Variants in SFTPD observed in about 807,000 individuals in gnomAD.
The protein encoded by SFTPD is surfactant protein D, also known as pulmonary surfactant-associated protein D.
A neutral mutation model predicts 34.6 loss-of-function variants in SFTPD; 18 were observed. The ratio of observed to expected loss-of-function variants is 0.52; its 90% CI spans 0.36 to 0.77. The LOEUF (loss-of-function observed/expected upper bound fraction) is 0.77, where lower values mean the gene tolerates loss of function less well. Ranked by LOEUF, SFTPD falls within the 30% of genes least tolerant of loss-of-function variation. The pLI is 0.00. For missense variants in SFTPD, 433 were observed against 468.9 expected (o/e 0.92, Z 0.71); for synonymous variants, 155 against 180.9 (o/e 0.86, Z 1.15).
rs1051322730 is a variant in SFTPD at position 79,941,816 on chromosome 10, C to T, written c.550+138G>A. 1.4e-5 allele frequency: 10 copies of T among 711,588 alleles called. No individual in the cohort carries two copies. The African/African-American group carries it at 1.4e-4, about 10-fold the overall frequency. 44.1% of individuals were successfully genotyped at this position (711,588 alleles called of 1,614,324 possible). On this transcript the variant is annotated intron_variant, in intron 5 of 7. Transcript: ENST00000372292. ...CCCCAGAGCCCCCTCATGCACCCTTCTTGGATACAGATTCTCTCCATGTTC... is the reference window on the plus strand; with the variant it reads ...CCCCAGAGCCCCCTCATGCACCCTTTTTGGATACAGATTCTCTCCATGTTC...
At chr10:79,960,925 A>G (rs1275165227) in intron 1 of SFTPD, among the ~76,000 whole-genome samples, 2 of 152,182 alleles carry the variant, frequency 1.3e-5, no homozygotes, top group Non-Finnish European at 2.9e-5. Flanking sequence ...CCAAAACAGC[A>G]TGGTACTGGT....
intron 1 of SFTPD, among the ~76,000 whole-genome samples, chr10:79,977,770 G>A (rs532440262): frequency 6.6e-6 from 1 of 152,290 alleles, no homozygotes; most frequent in East Asian, 1.9e-4. Flanking sequence ...TATACATGAA[G>A]TAGGTCTTCA....
At chr10:79,938,343 A>C in intron 7 of SFTPD, 115 bp from the exon 8 acceptor site, 1 of 852,472 alleles carries the variant, frequency 1.2e-6, no homozygotes, top group Non-Finnish European at 1.8e-6. Flanking sequence ...CAGGCACCGC[A>C]TCAGGATGCC....
chr10:79,977,099 G>T (rs951412941), intron 1 of SFTPD, among the ~76,000 whole-genome samples: 1 of 152,282 alleles, frequency 6.6e-6, no homozygotes, highest in South Asian at 2.1e-4. Flanking sequence ...GTCTTTATCA[G>T]CAGCATGAAA....
chr10:79,967,700 G>C lies in SFTPD; in HGVS notation c.36+14875C>G, dbSNP rs560575125. 6.8e-4 allele frequency among the ~76,000 whole-genome samples: 103 copies of C among 151,970 alleles called. 1 individual carries two copies. The highest frequency in any genetic ancestry group is 5.8e-3 in the Admixed American group (88 of 15,274). On this transcript the variant is annotated intron_variant, in intron 1 of 5. Transcript: ENST00000444384. ...TTTTCTTATTAATATAAGAAGACAGGAATGTCAGGCCTCTGAGCCCAGGCC... is the reference window on the plus strand; with the variant it reads ...TTTTCTTATTAATATAAGAAGACAGCAATGTCAGGCCTCTGAGCCCAGGCC...
intron 1 of SFTPD, chr10:79,968,914 A>C (rs1428704761): frequency 6.6e-6 from 1 of 151,946 alleles, no homozygotes; most frequent in East Asian, 1.9e-4. Context: ...CATTTATCTG[A>C]TGATTAGTGA....
At position 79,946,235 on chromosome 10, in the gene SFTPD, C is replaced by T. The variant is rs139062027; in HGVS notation, c.199+226G>A. Among the ~76,000 whole-genome samples the T allele has an allele frequency of 6.9e-4, 105 of 152,248 alleles. 1 individual carries two copies. Among genetic ancestry groups the T allele is most frequent in the Admixed American group, 1.4e-3 (22 of 15,290 alleles). ...GCTTGCTCTTGGGATAGGAAGGATCCGGGGATCCTAGAGGAGGAGCTAGGG... is the reference window on the plus strand; with the variant it reads ...GCTTGCTCTTGGGATAGGAAGGATCTGGGGATCCTAGAGGAGGAGCTAGGG... On this transcript the variant is annotated intron_variant, in intron 2 of 7. Coordinates refer to ENST00000372292, the MANE Select transcript of SFTPD (RefSeq NM_003019.5).
chr10:79,976,803 A>G (rs1842866314), intron 1 of SFTPD, among the ~76,000 whole-genome samples: 1 of 152,150 alleles, frequency 6.6e-6, no homozygotes. Context: ...CCAAATCTCA[A>G]GTTGAATTGT....
intron 1 of SFTPD, among the ~76,000 whole-genome samples, chr10:79,954,642 C>T (rs1842728929): frequency 6.6e-6 from 1 of 152,166 alleles, no homozygotes; most frequent in African/African-American, 2.4e-5. Context: ...TGCATGGTCA[C>T]TGCTAGTTTG....
At chr10:79,941,311 G>T in intron 6 of SFTPD, 87 bp downstream of exon 6, 1 of 1,158,548 alleles carries the variant, frequency 8.6e-7, no homozygotes, top group Non-Finnish European at 1.3e-6. Context: ...ACACATCCCA[G>T]AGCCCCTCCT....
upstream of SFTPD, among the ~76,000 whole-genome samples, chr10:79,951,470 T>C (rs1239157736): frequency 6.6e-6 from 1 of 152,138 alleles, no homozygotes; most frequent in East Asian, 1.9e-4. Context: ...ATAGCTTTTG[T>C]GTGGTGGCTT....
intron 1 of SFTPD, among the ~76,000 whole-genome samples, chr10:79,974,681 G>A (rs114852078): frequency 6.6e-5 from 10 of 152,102 alleles, no homozygotes; most frequent in Admixed American, 1.3e-4. Context: ...CAACAATCCC[G>A]TCACCTCTCC....
chr10:79,969,200 G>C (rs1250095276), intron 1 of SFTPD: 1 of 152,028 alleles, frequency 6.6e-6, no homozygotes, highest in Non-Finnish European at 1.5e-5. Context: ...TAAGGGCCAG[G>C]CATGGTGGCT....
At chr10:79,978,083 G>A (rs1178905635) in intron 1 of SFTPD, among the ~76,000 whole-genome samples, 1 of 151,978 alleles carries the variant, frequency 6.6e-6, no homozygotes, top group East Asian at 1.9e-4. Flanking sequence ...CCCATTTTTT[G>A]CCTTTTGGTT....
chr10:79,957,097 G>C (rs1193577105), intron 1 of SFTPD, among the ~76,000 whole-genome samples: 2 of 151,996 alleles, frequency 1.3e-5, no homozygotes, highest in Non-Finnish European at 2.9e-5. Flanking sequence ...GGTCCTATCT[G>C]TTAGAAGGAA....
chr10:79,954,968 C>G (rs1842730478), intron 1 of SFTPD, among the ~76,000 whole-genome samples: 1 of 152,096 alleles, frequency 6.6e-6, no homozygotes, highest in Admixed American at 6.5e-5. Flanking sequence ...ACAGCTATAG[C>G]TCATTCACTT....
intron 7 of SFTPD, 98 bp from the exon 8 acceptor site, chr10:79,938,326 T>A: frequency 9.0e-7 from 1 of 1,108,780 alleles, no homozygotes; most frequent in South Asian, 1.5e-5. Flanking sequence ...CTTTCAGACC[T>A]CCCAAACAGG....
At chr10:79,976,265 A>T (rs1188605522) in intron 1 of SFTPD, among the ~76,000 whole-genome samples, 1 of 152,224 alleles carries the variant, frequency 6.6e-6, no homozygotes, top group Non-Finnish European at 1.5e-5. Flanking sequence ...AAAGGCAATA[A>T]ATGGTGCTGA....
At chr10:79,961,551 C>A (rs541894449) in intron 1 of SFTPD, among the ~76,000 whole-genome samples, 2 of 152,308 alleles carry the variant, frequency 1.3e-5, no homozygotes, top group African/African-American at 4.8e-5. Flanking sequence ...AAATGCTCGT[C>A]ATCACTGGCC....
Sources: allele counts gnomAD v4.1 joint callset (sites outside exome capture counted in the v4.1 genomes callset), GRCh38; gene constraint gnomAD v4.1.1; transcripts MANE v1.5; gene names NCBI Gene and HGNC (gene_info 2026-07-23, HGNC 2026-07-21).